The following TAFA5 variants were observed in gnomAD, a reference collection of about 807,000 sequenced individuals.
TAFA5 encodes TAFA chemokine like family member 5.
In TAFA5, 6 loss-of-function variants were observed where a neutral mutation model predicts 15.3. The observed-to-expected ratio is 0.39, with a 90% confidence interval of 0.21 to 0.77. TAFA5 has a LOEUF of 0.77. Among genes scored for constraint, TAFA5 ranks in the 30% least tolerant of loss-of-function variants. TAFA5 has a pLI of 0.41. For missense variants in TAFA5, 161 were observed against 193.1 expected (o/e 0.83, Z 0.98); for synonymous variants, 103 against 80.7 (o/e 1.28, Z -1.48).
chr22:48,530,046 G>T lies in TAFA5; in HGVS notation c.112+40342G>T, dbSNP rs1348081505. ...TGAGGACTGAGCTTGTGGCTGCAGAGGCCGTGGGCCCTCTGCTTTGTGGGG... is the reference window on the plus strand; with the variant it reads ...TGAGGACTGAGCTTGTGGCTGCAGATGCCGTGGGCCCTCTGCTTTGTGGGG... On this transcript the variant is annotated intron_variant, in intron 1 of 3. Transcript: ENST00000402357. The surrounding 1 kb of genome is among the most constrained non-coding windows in gnomAD (Gnocchi z 6.0). Among the ~76,000 whole-genome samples the T allele has an allele frequency of 6.6e-6, 1 of 152,140 alleles. No individual in the cohort carries two copies. Among genetic ancestry groups the T allele is most frequent in the Non-Finnish European group, 1.5e-5 (1 of 68,016 alleles).
chr22:48,576,393 G>C, intron 1 of TAFA5: 1 of 1,222,014 alleles, frequency 8.2e-7, no homozygotes. Context: ...GCGGGCGGCC[G>C]CGGAGGCTGC....
intron 1 of TAFA5, among the ~76,000 whole-genome samples, chr22:48,641,100 G>T (rs577705494): frequency 1.3e-5 from 2 of 148,644 alleles, no homozygotes; most frequent in East Asian, 4.0e-4. Flanking sequence ...GTGGGGGGCT[G>T]TTGGTGGGGG....
chr22:48,561,098 T>C (rs1222344713), intron 1 of TAFA5, among the ~76,000 whole-genome samples: 1 of 152,028 alleles, frequency 6.6e-6, no homozygotes, highest in Non-Finnish European at 1.5e-5. Context: ...TGGGAGGTGA[T>C]GCATCCCACC....
At chr22:48,588,752 G>A (rs747869219) in intron 1 of TAFA5, among the ~76,000 whole-genome samples, 9 of 152,170 alleles carry the variant, frequency 5.9e-5, no homozygotes, top group Non-Finnish European at 1.2e-4. Flanking sequence ...GTTCAGGTGA[G>A]CACAGTGCCT....
In TAFA5 at chr22:48,555,667, T is replaced by C. The variant is rs1332214928; in HGVS notation, c.112+65963T>C. 5.3e-5 allele frequency among the ~76,000 whole-genome samples: 8 copies of C among 152,264 alleles called. No homozygotes were observed. The East Asian group carries it at 1.6e-3, about 30-fold the overall frequency. ...CACGGGCACCCCGTGGTCTGTGGCC[T>C]CCTGCAGCCAGGTGACCCCGTCATC... On this transcript the variant is annotated intron_variant, in intron 1 of 3. Transcript: ENST00000402357.
chr22:48,675,092 T>C (rs1221340042), intron 2 of TAFA5, among the ~76,000 whole-genome samples: 5 of 151,978 alleles, frequency 3.3e-5, no homozygotes, highest in African/African-American at 9.7e-5. Context: ...CAGGTGCCCA[T>C]CACCACACAC....
chr22:48,618,395 G>A (rs529855183), intron 1 of TAFA5, among the ~76,000 whole-genome samples: 2 of 152,252 alleles, frequency 1.3e-5, no homozygotes, highest in African/African-American at 2.4e-5. Flanking sequence ...AAAAGGCCAT[G>A]CGTGCAGTTT....
At chr22:48,707,147 C>G (rs1431844728) in intron 2 of TAFA5, among the ~76,000 whole-genome samples, 1 of 152,104 alleles carries the variant, frequency 6.6e-6, no homozygotes, top group Non-Finnish European at 1.5e-5. Flanking sequence ...CAGGGGTCAG[C>G]CGGGCATCTG....
chr22:48,703,983 C>T (rs1171533004), intron 2 of TAFA5, among the ~76,000 whole-genome samples: 1 of 152,218 alleles, frequency 6.6e-6, no homozygotes, highest in Non-Finnish European at 1.5e-5. Flanking sequence ...GCTGTTAGGG[C>T]AGAACAGGAC....
At chr22:48,496,760 CA>C (rs1357560854) in intron 1 of TAFA5, among the ~76,000 whole-genome samples, 1 of 152,182 alleles carries the variant, frequency 6.6e-6, no homozygotes, top group Non-Finnish European at 1.5e-5. Flanking sequence ...GTCCAGCCAT[CA>C]GGGGCCCTGG....
chr22:48,661,675 C>T (rs1037259005), intron 2 of TAFA5, among the ~76,000 whole-genome samples: 4 of 152,136 alleles, frequency 2.6e-5, no homozygotes, highest in Admixed American at 6.5e-5. Flanking sequence ...GCCGGGGGCT[C>T]GTTCCCCCAC....
intron 3 of TAFA5, among the ~76,000 whole-genome samples, chr22:48,725,733 A>G (rs1457435022): frequency 1.3e-5 from 2 of 151,962 alleles, no homozygotes; most frequent in Non-Finnish European, 2.9e-5. Flanking sequence ...AGAAAAAAAA[A>G]AAAAAAAGCA....
intron 3 of TAFA5, among the ~76,000 whole-genome samples, chr22:48,710,322 A>G (rs371544684): frequency 4.9e-4 from 75 of 152,264 alleles, no homozygotes; most frequent in African/African-American, 1.7e-3. Flanking sequence ...GCCTTGTCAG[A>G]CAGCTTCATG....
chr22:48,631,122 C>T (rs1047869004), intron 1 of TAFA5, among the ~76,000 whole-genome samples: 3 of 152,212 alleles, frequency 2.0e-5, no homozygotes, highest in African/African-American at 7.2e-5. Context: ...GCTCCTTCGG[C>T]TCACCCACTC....
At chr22:48,666,710 T>C (rs1428463902) in intron 2 of TAFA5, among the ~76,000 whole-genome samples, 2 of 152,198 alleles carry the variant, frequency 1.3e-5, no homozygotes, top group Non-Finnish European at 2.9e-5. Flanking sequence ...CTAGTTCCAC[T>C]GCCCTGAAAC....
intron 1 of TAFA5, chr22:48,576,464 CG>C (rs774593296): frequency 7.1e-7 from 1 of 1,413,986 alleles, no homozygotes; most frequent in Non-Finnish European, 9.4e-7. Context: ...GGGCGTCGGC[CG>C]AGTTGGGACT....
At chr22:48,501,553 G>C (rs1211704699) in intron 1 of TAFA5, among the ~76,000 whole-genome samples, 7 of 151,746 alleles carry the variant, frequency 4.6e-5, no homozygotes, top group Non-Finnish European at 7.4e-5. Context: ...GGTAGTCGGG[G>C]GTGCCCGGGG....
intron 2 of TAFA5, among the ~76,000 whole-genome samples, chr22:48,678,170 G>T (rs1928035471): frequency 3.9e-5 from 6 of 152,148 alleles, no homozygotes. Context: ...CGGCTGCTCT[G>T]GGCCCCATGT....
intron 1 of TAFA5, among the ~76,000 whole-genome samples, chr22:48,572,886 T>C (rs761794): frequency 0.21 from 32,703 of 152,228 alleles, 3,654 homozygotes; most frequent in Admixed American, 0.27. Context: ...CCTGTGCTTT[T>C]TGTTGGTGAC....
Sources: gnomAD v4.1 joint callset for allele counts (sites outside exome capture counted in the v4.1 genomes callset) on GRCh38, gnomAD v4.1.1 for gene constraint, Gnocchi (gnomAD v3.1) non-coding constraint, MANE v1.5 for transcripts, NCBI Gene and HGNC (gene_info 2026-07-23, HGNC 2026-07-21) for gene names.